PRKG1: variants seen among roughly 807,000 people sequenced by gnomAD.
PRKG1 encodes the protein cGMP-dependent protein kinase 1.
A neutral mutation model predicts 88.1 loss-of-function variants in PRKG1; 35 were observed. The observed-to-expected ratio is 0.40, with a 90% confidence interval of 0.30 to 0.53. PRKG1 has a LOEUF of 0.53. PRKG1 is among the 20% of genes least tolerant of loss of function. The pLI is 0.59. For synonymous variants in PRKG1, 303 were observed against 292.5 expected, an observed-to-expected ratio of 1.04 and a Z score of -0.37; for missense variants, 540 against 839.8, an observed-to-expected ratio of 0.64 and a Z score of 4.41.
intron 5 of PRKG1, among the ~76,000 whole-genome samples, chr10:51,921,232 G>A (rs80339524): frequency 0.015 from 2,324 of 152,100 alleles, 72 homozygotes; most frequent in African/African-American, 0.054. Context: ...GAGTATATAG[G>A]AAATCAATTG....
intron 4 of PRKG1, among the ~76,000 whole-genome samples, chr10:51,865,928 A>G (rs1429549044): frequency 6.6e-6 from 1 of 152,010 alleles, no homozygotes; most frequent in East Asian, 1.9e-4. Flanking sequence ...TAGATTAAAT[A>G]AGATCAGTAT....
chr10:51,602,503 T>G (rs1262876137), intron 3 of PRKG1, among the ~76,000 whole-genome samples: 1 of 152,046 alleles, frequency 6.6e-6, no homozygotes, highest in Non-Finnish European at 1.5e-5. Context: ...TGGAATGTAG[T>G]GGATGATAGC....
chr10:51,910,787 A>G (rs370336105), intron 5 of PRKG1: 1 of 152,184 alleles, frequency 6.6e-6, no homozygotes, highest in Non-Finnish European at 1.5e-5. Flanking sequence ...AGTGATTGTA[A>G]TGATTGACCT....
At chr10:51,854,473 C>A (rs1441435838) in intron 4 of PRKG1, among the ~76,000 whole-genome samples, 1 of 151,988 alleles carries the variant, frequency 6.6e-6, no homozygotes, top group Non-Finnish European at 1.5e-5. Context: ...TTGGAAATAA[C>A]CGGTATTTTA....
intron 4 of PRKG1, among the ~76,000 whole-genome samples, chr10:51,849,154 C>T (rs893347001): frequency 1.3e-5 from 2 of 152,138 alleles, no homozygotes; most frequent in African/African-American, 4.8e-5. Context: ...CTACCAAAAC[C>T]CATTCCATAT....
chr10:51,603,379 C>G (rs1838668478), intron 3 of PRKG1, among the ~76,000 whole-genome samples: 1 of 152,282 alleles, frequency 6.6e-6, no homozygotes, highest in South Asian at 2.1e-4. Flanking sequence ...GTTCTTTACT[C>G]AAGCTAAGTG....
chr10:52,192,748 A>T (rs1246110326), intron 9 of PRKG1, among the ~76,000 whole-genome samples: 4 of 152,090 alleles, frequency 2.6e-5, no homozygotes. Flanking sequence ...ATAAAAAGAA[A>T]AAAAATATAT....
At chr10:51,125,909 T>G (rs1200917844) in intron 1 of PRKG1, among the ~76,000 whole-genome samples, 1 of 135,104 alleles carries the variant, frequency 7.4e-6, no homozygotes, top group Non-Finnish European at 1.5e-5. Flanking sequence ...AAAAAGTGTG[T>G]AATTTATAAA....
At chr10:52,004,541 A>G (rs184925028) in intron 5 of PRKG1, among the ~76,000 whole-genome samples, 1 of 152,298 alleles carries the variant, frequency 6.6e-6, no homozygotes, top group East Asian at 1.9e-4. Context: ...TGTGAACAGC[A>G]TCTAACGAAT....
intron 3 of PRKG1, among the ~76,000 whole-genome samples, chr10:51,499,309 G>A (rs1228787171): frequency 2.0e-5 from 3 of 152,134 alleles, no homozygotes; most frequent in Non-Finnish European, 2.9e-5. Flanking sequence ...CATTACCATA[G>A]GATGTGTCAG....
intron 3 of PRKG1, among the ~76,000 whole-genome samples, chr10:51,766,751 A>C (rs1340799240): frequency 6.6e-6 from 1 of 152,102 alleles, no homozygotes; most frequent in Admixed American, 6.5e-5. Flanking sequence ...CGCATCTCCA[A>C]ATACTATCAC....
At chr10:51,646,218 G>A (rs1839911512) in intron 3 of PRKG1, among the ~76,000 whole-genome samples, 1 of 152,104 alleles carries the variant, frequency 6.6e-6, no homozygotes, top group African/African-American at 2.4e-5. Context: ...GACGCTATTA[G>A]TACAACCTTG....
chr10:51,888,311 A>G (rs1421608292), intron 4 of PRKG1, among the ~76,000 whole-genome samples: 3 of 152,230 alleles, frequency 2.0e-5, no homozygotes, highest in Admixed American at 6.5e-5. Flanking sequence ...TGAAAAATCA[A>G]AGAGCATATT....
At chr10:51,886,969 C>G (rs991276637) in intron 4 of PRKG1, among the ~76,000 whole-genome samples, 2 of 143,318 alleles carry the variant, frequency 1.4e-5, no homozygotes, top group Admixed American at 7.3e-5. Flanking sequence ...ATACACAGAG[C>G]CAAATGTATG....
intron 4 of PRKG1, among the ~76,000 whole-genome samples, chr10:51,873,778 C>G (rs1292839374): frequency 6.6e-6 from 1 of 152,282 alleles, no homozygotes; most frequent in African/African-American, 2.4e-5. Context: ...ATCCACTCGC[C>G]TCGGCCTCCC....
At chr10:51,789,031 A>G (rs528285083) in intron 3 of PRKG1, among the ~76,000 whole-genome samples, 24 of 152,304 alleles carry the variant, frequency 1.6e-4, no homozygotes, top group African/African-American at 5.3e-4. Flanking sequence ...TTAAAGTCAC[A>G]TCGTTTAACT....
chr10:51,844,375 TAA>T (rs1324208698), intron 4 of PRKG1, among the ~76,000 whole-genome samples: 1 of 152,076 alleles, frequency 6.6e-6, no homozygotes, highest in African/African-American at 2.4e-5. Context: ...GTTGAAAGAT[TAA>T]GAGGAGAATG....
intron 5 of PRKG1, 145 bp from the exon 6 acceptor site, chr10:52,054,339 T>C (rs1846058338): frequency 1.5e-5 from 9 of 618,424 alleles, no homozygotes; most frequent in Non-Finnish European, 2.3e-5. Flanking sequence ...TTGACTAATA[T>C]TCATTATTAA....
intron 2 of PRKG1, among the ~76,000 whole-genome samples, chr10:51,166,032 A>G (rs966197039): frequency 7.2e-5 from 11 of 151,768 alleles, no homozygotes; most frequent in Middle Eastern, 3.4e-3. Flanking sequence ...TCAATGTTAC[A>G]CTTTATATTC....
Sources: allele counts gnomAD v4.1 joint callset (sites outside exome capture counted in the v4.1 genomes callset), GRCh38; gene constraint gnomAD v4.1.1; transcripts MANE v1.5; gene names NCBI Gene and HGNC (gene_info 2026-07-23, HGNC 2026-07-21).